Variants in HERC4 observed in about 807,000 individuals in gnomAD.
HERC4 encodes the protein probable E3 ubiquitin-protein ligase HERC4.
Under a neutral mutation model 124.3 loss-of-function variants are expected in HERC4, and 28 were observed. The ratio of observed to expected loss-of-function variants is 0.23; its 90% CI spans 0.17 to 0.31. HERC4 has a LOEUF of 0.31. Among genes scored for constraint, HERC4 ranks in the 10% least tolerant of loss-of-function variants. The pLI is 1.00. For synonymous variants in HERC4, 407 were observed against 421.5 expected (o/e 0.97, Z 0.42); for missense variants, 713 against 1,229.3 (o/e 0.58, Z 6.28).
Position 68,051,341 on chromosome 10 carries a change from A to ATT in HERC4, c.227-6780_227-6779dup, listed in dbSNP as rs34027809. Among the ~76,000 whole-genome samples the ATT allele has an allele frequency of 8.3e-3, 1,076 of 129,944 alleles. 19 individuals are homozygous for ATT. The highest frequency in any genetic ancestry group is 0.015 in the Non-Finnish European group (886 of 60,390). The allele number at this position is 129,944 out of a possible 152,430, so 85.2% of individuals were successfully genotyped here. On this transcript the variant is annotated intron_variant, in intron 3 of 24. Transcript: ENST00000373700. ...AAACATATGGCAAAATGTTAACACT[A>ATT]TTTTTTTTTTTTTTTTTTTTTGAGA...
intron 3 of HERC4, among the ~76,000 whole-genome samples, chr10:68,071,496 A>G (rs1479861912): frequency 6.6e-6 from 1 of 152,232 alleles, no homozygotes; most frequent in Non-Finnish European, 1.5e-5. Flanking sequence ...GGGGCATGCT[A>G]AAGTACAAAG....
At chr10:68,031,755 T>C (rs762143100) in intron 7 of HERC4, among the ~76,000 whole-genome samples, 3 of 152,300 alleles carry the variant, frequency 2.0e-5, no homozygotes, top group East Asian at 1.9e-4. Context: ...TAGAAGTTAA[T>C]GCCTCTTTTT....
intron 15 of HERC4, among the ~76,000 whole-genome samples, chr10:67,987,044 C>T (rs2036302708): frequency 6.6e-6 from 1 of 152,050 alleles, no homozygotes; most frequent in Non-Finnish European, 1.5e-5. Flanking sequence ...ACATGAACTA[C>T]AGACAAAGGA....
chr10:67,955,768 T>C (rs1310577706), intron 17 of HERC4: 3 of 152,086 alleles, frequency 2.0e-5, no homozygotes, highest in African/African-American at 7.2e-5. Context: ...CGAAACTCCG[T>C]CTCAAAAATA....
intron 3 of HERC4, among the ~76,000 whole-genome samples, chr10:68,050,242 C>A (rs2040229959): frequency 1.3e-5 from 2 of 152,096 alleles, no homozygotes. Flanking sequence ...GGGATATAGG[C>A]AGAGGGAACA....
intron 3 of HERC4, among the ~76,000 whole-genome samples, chr10:68,052,294 T>C (rs2040354473): frequency 1.3e-5 from 2 of 152,306 alleles, no homozygotes; most frequent in Admixed American, 6.5e-5. Flanking sequence ...TAATTAATCA[T>C]ACTTTTGAAA....
intron 19 of HERC4, among the ~76,000 whole-genome samples, chr10:67,943,326 C>T (rs554768806): frequency 1.3e-5 from 2 of 152,000 alleles, no homozygotes; most frequent in South Asian, 4.2e-4. Flanking sequence ...TATAAGTCCA[C>T]AGGAAAAAAG....
chr10:68,025,703 T>C, intron 7 of HERC4, 27 bp from the exon 8 acceptor site: 1 of 1,582,688 alleles, frequency 6.3e-7, no homozygotes, highest in Non-Finnish European at 8.6e-7. Context: ...CCCCTTATCA[T>C]TAGAAGGCAT....
At chr10:68,003,407 T>G (rs2037356061) in intron 9 of HERC4, among the ~76,000 whole-genome samples, 1 of 149,844 alleles carries the variant, frequency 6.7e-6, no homozygotes, top group Non-Finnish European at 1.5e-5. Context: ...TCTCCTGACC[T>G]CATGATCTGC....
At chr10:67,955,608 C>T (rs573551170) in intron 17 of HERC4, 101 of 152,654 alleles carry the variant, frequency 6.6e-4, no homozygotes, top group Non-Finnish European at 1.1e-3. Context: ...CCTGTCTCTA[C>T]TAAAAATGCA....
At chr10:67,975,150 T>C (rs931647286) in intron 15 of HERC4, among the ~76,000 whole-genome samples, 9 of 151,718 alleles carry the variant, frequency 5.9e-5, no homozygotes, top group Non-Finnish European at 1.5e-5. Context: ...GATCGTGCCA[T>C]TGCACTCCAG....
chr10:67,956,781 A>T lies in HERC4; in HGVS notation c.2025+97T>A, dbSNP rs557773038. 2.3e-5 allele frequency: 15 copies of T among 654,892 alleles called. No individual in the cohort carries two copies. The South Asian group carries it at 3.5e-4, about 15-fold the overall frequency. 40.6% of individuals were successfully genotyped at this position (654,892 alleles called of 1,614,324 possible). A position where few individuals can be genotyped will look rare whatever the true frequency, so the allele number is the denominator to read the frequency against. On this transcript the variant is annotated intron_variant, in intron 17 of 24. Coordinates refer to ENST00000373700, the MANE Select transcript of HERC4 (RefSeq NM_015601.4). Reference sequence around the variant, plus strand: ...TATAGCTACCCAAAGTACTTTGTGTACCTTCATTACTGATCCTAGGAAAAT... The same window carrying T: ...TATAGCTACCCAAAGTACTTTGTGTTCCTTCATTACTGATCCTAGGAAAAT...
chr10:68,029,381 A>C (rs1264716089), intron 7 of HERC4, among the ~76,000 whole-genome samples: 1 of 152,024 alleles, frequency 6.6e-6, no homozygotes, highest in Non-Finnish European at 1.5e-5. Flanking sequence ...AGTCCCAGGT[A>C]CTCAGGAGGC....
At position 68,019,223 on chromosome 10, in the gene HERC4, C is replaced by T. The variant is rs370858454; in HGVS notation, c.909-5037G>A. ...GTTGGTCAGGCTGGTCTCAAACTCCCGACCTCAGGTGATCCACCCGCCTCG... is the reference window on the plus strand; with the variant it reads ...GTTGGTCAGGCTGGTCTCAAACTCCTGACCTCAGGTGATCCACCCGCCTCG... On this transcript the variant is annotated intron_variant, in intron 8 of 24. Transcript: ENST00000373700. Among the ~76,000 whole-genome samples the T allele has an allele frequency of 3.9e-4, 59 of 151,862 alleles. 3 individuals carry two copies. Among genetic ancestry groups the T allele is most frequent in the Admixed American group, 3.8e-3 (58 of 15,262 alleles).
chr10:68,065,049 C>T (rs1487100534), intron 3 of HERC4, among the ~76,000 whole-genome samples: 6 of 151,504 alleles, frequency 4.0e-5, no homozygotes, highest in Non-Finnish European at 5.9e-5. Flanking sequence ...TAATTATATT[C>T]CTAAATATTC....
At chr10:68,069,666 T>C (rs926470770) in intron 3 of HERC4, 1 of 983,684 alleles carries the variant, frequency 1.0e-6, no homozygotes, top group Non-Finnish European at 1.2e-6. Flanking sequence ...TTATGGAATA[T>C]GTATATTTAT....
rs750329201 is a variant in HERC4, at chr10:67,955,130, T to C, written c.2026A>G (p.Met676Val). Reference sequence around the variant, plus strand: ...TGCCTGTGGGCCTGATCAATAGCCATCTGGAAAACAAAAGATTAACATTTT... The same window carrying C: ...TGCCTGTGGGCCTGATCAATAGCCACCTGGAAAACAAAAGATTAACATTTT... Reference protein sequence around the residue: ...LQTDAVLQMQMAIDQAHRQNV... With the variant: ...LQTDAVLQMQVAIDQAHRQNV... The change falls in exon 18 of 25, where the codon ATG becomes GTG. Residue 676 changes from methionine to valine, a missense_variant and splice_region_variant. Coordinates refer to ENST00000373700, the MANE Select transcript of HERC4 (RefSeq NM_015601.4). 1 of 1,570,924 alleles carries C rather than the reference T, an allele frequency of 6.4e-7. No individual in the cohort carries two copies. The highest frequency in any genetic ancestry group is 2.0e-5 in the Admixed American group (1 of 48,936).
intron 15 of HERC4, among the ~76,000 whole-genome samples, chr10:67,978,279 C>CA (rs2132599375): frequency 6.6e-6 from 1 of 152,196 alleles, no homozygotes; most frequent in East Asian, 1.9e-4. Context: ...CACAAACAAA[C>CA]AAAAAAACCC....
At chr10:68,000,707 A>G (rs1349030754) in intron 9 of HERC4, among the ~76,000 whole-genome samples, 3 of 152,214 alleles carry the variant, frequency 2.0e-5, no homozygotes, top group Non-Finnish European at 2.9e-5. Flanking sequence ...CCATAACCCA[A>G]TGTTTTGTGT....
Sources: gnomAD v4.1 joint callset for allele counts (sites outside exome capture counted in the v4.1 genomes callset) on GRCh38, gnomAD v4.1.1 for gene constraint, MANE v1.5 for transcripts, NCBI Gene and HGNC (gene_info 2026-07-23, HGNC 2026-07-21) for gene names.